Variants in LHFPL3 observed in about 807,000 individuals in gnomAD.
LHFPL3 encodes the protein LHFPL tetraspan subfamily member 3 protein.
A neutral mutation model predicts 19.3 loss-of-function variants in LHFPL3; 5 were observed. The ratio of observed to expected loss-of-function variants is 0.26; its 90% CI spans 0.14 to 0.54. The LOEUF is 0.54. Ranked by LOEUF, LHFPL3 falls within the 20% of genes least tolerant of loss-of-function variation. The probability of loss-of-function intolerance (pLI) is 0.94; values close to 1 mark genes in which losing one functional copy is unlikely to be tolerated. For synonymous variants in LHFPL3, 133 were observed against 126.2 expected, an observed-to-expected ratio of 1.05 and a Z score of -0.36; for missense variants, 249 against 307.4, an observed-to-expected ratio of 0.81 and a Z score of 1.42.
At chr7:104,518,661 GCAATCT>G (rs1455427598) in intron 1 of LHFPL3, among the ~76,000 whole-genome samples, 1 of 152,186 alleles carries the variant, frequency 6.6e-6, no homozygotes, top group African/African-American at 2.4e-5. Context: ...GCAGGCACCT[GCAATCT>G]CAGCTATTCA....
chr7:104,888,455 A>G (rs1471172323), intron 2 of LHFPL3, among the ~76,000 whole-genome samples: 1 of 152,204 alleles, frequency 6.6e-6, no homozygotes, highest in Admixed American at 6.6e-5. Flanking sequence ...TCTTGGACCC[A>G]GGAGTTGGAG....
At chr7:104,622,699 T>G (rs912797325) in intron 1 of LHFPL3, among the ~76,000 whole-genome samples, 1 of 152,216 alleles carries the variant, frequency 6.6e-6, no homozygotes, top group African/African-American at 2.4e-5. Flanking sequence ...ATAACTGGTT[T>G]TTAGTGACTG....
intron 1 of LHFPL3, among the ~76,000 whole-genome samples, chr7:104,477,915 A>G (rs1456874092): frequency 6.6e-6 from 1 of 152,172 alleles, no homozygotes; most frequent in Non-Finnish European, 1.5e-5. Flanking sequence ...GGCTATCCAG[A>G]CACGTGAACA....
chr7:104,616,590 G>A (rs1457006146), intron 1 of LHFPL3, among the ~76,000 whole-genome samples: 1 of 152,164 alleles, frequency 6.6e-6, no homozygotes, highest in African/African-American at 2.4e-5. Context: ...AAGACTTCAT[G>A]ACTAAAACAC....
chr7:104,772,062 C>T (rs1433349254), intron 2 of LHFPL3, among the ~76,000 whole-genome samples: 1 of 152,050 alleles, frequency 6.6e-6, no homozygotes, highest in Non-Finnish European at 1.5e-5. Context: ...CTCGTGATTG[C>T]CTGCCTCGGC....
In LHFPL3 at chr7:104,434,907, AATT is replaced by A. The variant is rs1434906029; in HGVS notation, c.445+105687_445+105689del. On this transcript the variant is annotated intron_variant, in intron 1 of 2. Coordinates refer to ENST00000424859, the MANE Select transcript of LHFPL3 (RefSeq NM_199000.3). ...TTTTTCATGTAGATATTAACAATAT[AATT>A]ATTTTTATTAGGCATTTGCTTACTT... Among the ~76,000 whole-genome samples, 3 of 152,122 alleles carry A rather than the reference AATT, an allele frequency of 2.0e-5. No homozygotes were observed. The East Asian group carries it at 5.8e-4, about 29-fold the overall frequency.
At chr7:104,459,539 A>T (rs1401566947) in intron 1 of LHFPL3, among the ~76,000 whole-genome samples, 1 of 152,062 alleles carries the variant, frequency 6.6e-6, no homozygotes, top group Non-Finnish European at 1.5e-5. Flanking sequence ...GCTATGGGGG[A>T]TGTGGAAGGC....
chr7:104,747,161 T>A (rs1055143213), intron 2 of LHFPL3, among the ~76,000 whole-genome samples: 3 of 152,240 alleles, frequency 2.0e-5, no homozygotes, highest in Non-Finnish European at 4.4e-5. Context: ...TTTTATCACA[T>A]TTGCCATCCA....
At chr7:104,891,132 T>C (rs1459352073) in intron 2 of LHFPL3, among the ~76,000 whole-genome samples, 1 of 151,818 alleles carries the variant, frequency 6.6e-6, no homozygotes, top group Non-Finnish European at 1.5e-5. Context: ...AGGGTCTGTT[T>C]TGAATGGTTT....
chr7:104,474,799 G>A (rs1792979982), intron 1 of LHFPL3, among the ~76,000 whole-genome samples: 1 of 151,996 alleles, frequency 6.6e-6, no homozygotes, highest in Non-Finnish European at 1.5e-5. Flanking sequence ...AGAAGAAGGT[G>A]TTATGAAGAG....
At chr7:104,654,206 G>A (rs1234613245) in intron 1 of LHFPL3, among the ~76,000 whole-genome samples, 3 of 152,116 alleles carry the variant, frequency 2.0e-5, no homozygotes, top group Non-Finnish European at 4.4e-5. Context: ...TGTGATATCT[G>A]TCCATGACGT....
chr7:104,544,026 A>G (rs1488525440), intron 1 of LHFPL3, among the ~76,000 whole-genome samples: 2 of 151,256 alleles, frequency 1.3e-5, no homozygotes, highest in Non-Finnish European at 2.9e-5. Flanking sequence ...TGTATCCCAG[A>G]ACTTAAAGTA....
chr7:104,460,523 CT>C (rs1159764645), intron 1 of LHFPL3, among the ~76,000 whole-genome samples: 3 of 152,108 alleles, frequency 2.0e-5, no homozygotes, highest in Non-Finnish European at 4.4e-5. Flanking sequence ...TTATTTTTGA[CT>C]TTTTAATTAT....
intron 2 of LHFPL3, chr7:104,759,641 G>A (rs920553158): frequency 6.6e-6 from 1 of 152,120 alleles, no homozygotes. Context: ...AACTTTCACC[G>A]AGTAATGTCC....
intron 1 of LHFPL3, among the ~76,000 whole-genome samples, chr7:104,420,966 C>G (rs760515801): frequency 3.3e-5 from 5 of 152,018 alleles, no homozygotes; most frequent in Non-Finnish European, 7.4e-5. Context: ...GTGGACTACA[C>G]GTGGGATAAT....
intron 1 of LHFPL3, among the ~76,000 whole-genome samples, chr7:104,344,593 T>A (rs1205873268): frequency 6.6e-6 from 1 of 152,212 alleles, no homozygotes; most frequent in African/African-American, 2.4e-5. Context: ...AAGACATTAT[T>A]TCATTCTTTT....
At chr7:104,797,456 C>G (rs1213861108) in intron 2 of LHFPL3, among the ~76,000 whole-genome samples, 5 of 152,172 alleles carry the variant, frequency 3.3e-5, no homozygotes, top group African/African-American at 7.2e-5. Context: ...TAATGCAGAG[C>G]AGCTCAGGTG....
chr7:104,660,313 T>G lies in LHFPL3; in HGVS notation c.446-76362T>G, dbSNP rs764876307. The stretch of plus-strand genomic sequence containing the variant: ...ACCACGCCCAGTCAACTCTTTTTGT[T>G]TAATTGAAACTGTGATCAGTTCACC... On this transcript the variant is annotated intron_variant, in intron 1 of 2. Coordinates refer to ENST00000424859, the MANE Select transcript of LHFPL3 (RefSeq NM_199000.3). Among the ~76,000 whole-genome samples, 7 of 152,354 alleles carry G rather than the reference T, an allele frequency of 4.6e-5. No homozygotes were observed. The South Asian group carries it at 1.4e-3, about 32-fold the overall frequency.
At chr7:104,681,349 G>A (rs565021464) in intron 1 of LHFPL3, among the ~76,000 whole-genome samples, 1 of 152,174 alleles carries the variant, frequency 6.6e-6, no homozygotes, top group East Asian at 1.9e-4. Context: ...AAGGGGCTAG[G>A]CATGGTGGCT....
Sources: allele counts gnomAD v4.1 joint callset (sites outside exome capture counted in the v4.1 genomes callset), GRCh38; gene constraint gnomAD v4.1.1; transcripts MANE v1.5; gene names NCBI Gene and HGNC (gene_info 2026-07-23, HGNC 2026-07-21).